Variants in EHF observed in about 807,000 individuals in gnomAD.
EHF encodes ESE3 transcription factor.
EHF carries 14 observed loss-of-function variants against 45.1 expected under a neutral mutation model. The ratio of observed to expected loss-of-function variants is 0.31; its 90% CI spans 0.21 to 0.49. EHF has a LOEUF of 0.49. EHF is among the 20% of genes least tolerant of loss of function. The pLI, the probability that EHF is intolerant of heterozygous loss-of-function variation, is 0.99. For missense variants in EHF, 282 were observed against 371.4 expected, an observed-to-expected ratio of 0.76 and a Z score of 1.98; for synonymous variants, 136 against 131.8, an observed-to-expected ratio of 1.03 and a Z score of -0.22.
At position 34,629,508 on chromosome 11, in the gene EHF, G is replaced by C. The variant is rs140583914; in HGVS notation, c.-4+8280G>C. Among the ~76,000 whole-genome samples the C allele has an allele frequency of 5.3e-5, 8 of 152,306 alleles. No homozygotes were observed. In the East Asian group the frequency reaches 1.5e-3, roughly 29 times the overall value. On this transcript the variant is annotated intron_variant, in intron 1 of 8. Transcript: ENST00000257831. The stretch of plus-strand genomic sequence containing the variant: ...CTTTACTTCTTCTAAAGGAGAGGTC[G>C]TCTAATTTGTGAGAAAATTCAGATG...
intron 1 of EHF, among the ~76,000 whole-genome samples, chr11:34,635,701 C>CTTTTTTT: frequency 8.1e-6 from 1 of 124,176 alleles, no homozygotes; most frequent in Non-Finnish European, 1.6e-5. Flanking sequence ...TCTTCCTGGT[C>CTTTTTTT]TTTTTTTTTT....
chr11:34,654,224 G>C (rs960612423), intron 6 of EHF, among the ~76,000 whole-genome samples: 3 of 152,212 alleles, frequency 2.0e-5, no homozygotes, highest in African/African-American at 7.2e-5. Flanking sequence ...GCCTGGACTG[G>C]ATAGGACCTT....
intron 7 of EHF, among the ~76,000 whole-genome samples, chr11:34,658,002 C>T (rs1168064647): frequency 1.3e-5 from 2 of 152,166 alleles, no homozygotes; most frequent in East Asian, 3.9e-4. Context: ...GTCCTCCAGT[C>T]CCTGCGTGAC....
intron 6 of EHF, among the ~76,000 whole-genome samples, chr11:34,655,726 CAA>C: frequency 6.6e-6 from 1 of 152,330 alleles, no homozygotes; most frequent in South Asian, 2.1e-4. Context: ...AGTAAGTGCT[CAA>C]TAAACAGTAG....
rs1652603092 is a variant in EHF at position 34,660,810 on chromosome 11, T to G, written c.*1879T>G. On this transcript the variant is annotated 3_prime_UTR_variant, in exon 9 of 9. Transcript: ENST00000257831. Reference sequence around the variant, plus strand: ...GCACCTACCACAGTGTCATACCTGGTAGAGGTGAGCAATTCATATTCAAAG... The same window carrying G: ...GCACCTACCACAGTGTCATACCTGGGAGAGGTGAGCAATTCATATTCAAAG... 1 of 152,184 alleles carries G rather than the reference T, an allele frequency of 6.6e-6. No individual in the cohort carries two copies. Among genetic ancestry groups the G allele is most frequent in the Admixed American group, 6.6e-5 (1 of 15,262 alleles). The allele number at this position is 152,184 out of a possible 1,614,324, so 9.4% of individuals were successfully genotyped here. A position where few individuals can be genotyped will look rare whatever the true frequency, so the allele number is the denominator to read the frequency against.
At chr11:34,621,274 A>G (rs1166588899) in intron 1 of EHF, 46 bp downstream of exon 1, 1 of 152,194 alleles carries the variant, frequency 6.6e-6, no homozygotes, top group African/African-American at 2.4e-5. Flanking sequence ...GAATCCAAAC[A>G]CTTGAGTGGA....
Position 34,660,812 on chromosome 11 carries a change from G to T in EHF, c.*1881G>T, listed in dbSNP as rs1554960759. ...ACCTACCACAGTGTCATACCTGGTA[G>T]AGGTGAGCAATTCATATTCAAAGGT... On this transcript the variant is annotated 3_prime_UTR_variant, in exon 9 of 9. Coordinates refer to ENST00000257831, the MANE Select transcript of EHF (RefSeq NM_012153.6). The T allele has an allele frequency of 6.6e-6, 1 of 152,178 alleles. No homozygotes were observed. The highest frequency in any genetic ancestry group is 1.5e-5 in the Non-Finnish European group (1 of 68,018). 9.4% of individuals were successfully genotyped at this position (152,178 alleles called of 1,614,324 possible). A position where few individuals can be genotyped will look rare whatever the true frequency, so the allele number is the denominator to read the frequency against.
At chr11:34,628,283 C>T (rs544852479) in intron 1 of EHF, among the ~76,000 whole-genome samples, 32 of 152,024 alleles carry the variant, frequency 2.1e-4, no homozygotes, top group African/African-American at 6.8e-4. Context: ...ACTTTTGCAC[C>T]AACATAATAT....
chr11:34,658,698 T>C lies in EHF; in HGVS notation c.773T>C (p.Met258Thr). ...LWGKKKNNSS[M>T]TYEKLSRAMR... ...GGTAAAAAGAAGAACAACAGCAGCATGACCTATGAAAAGCTCAGCCGAGCT... is the reference window on the plus strand; with the variant it reads ...GGTAAAAAGAAGAACAACAGCAGCACGACCTATGAAAAGCTCAGCCGAGCT... Residue 258 changes from methionine (M) to threonine (T), a missense_variant, in exon 8 of 9, where the codon ATG (methionine) becomes ACG (threonine). Around this residue, in one of 3 missense-constraint regions of EHF, gnomAD observed 41 missense variants for 87.0 expected, o/e 0.47. Transcript: ENST00000257831. 6.2e-7 allele frequency: 1 copy of C among 1,613,708 alleles called. No individual in the cohort carries two copies. Among genetic ancestry groups the C allele is most frequent in the Non-Finnish European group, 8.5e-7 (1 of 1,179,772 alleles).
intron 1 of EHF, among the ~76,000 whole-genome samples, chr11:34,627,054 T>A (rs1852432904): frequency 6.6e-6 from 1 of 152,086 alleles, no homozygotes; most frequent in Non-Finnish European, 1.5e-5. Flanking sequence ...AATTTGGGTG[T>A]TTTCAGTGAG....
chr11:34,632,417 A>C, intron 1 of EHF: 2 of 1,431,644 alleles, frequency 1.4e-6, no homozygotes, highest in Non-Finnish European at 1.8e-6. Flanking sequence ...ACCCTCCTAC[A>C]CATAAACACA....
At chr11:34,621,536 T>C (rs763223908) in intron 1 of EHF, among the ~76,000 whole-genome samples, 1 of 152,242 alleles carries the variant, frequency 6.6e-6, no homozygotes. Context: ...CTGGGTTGAA[T>C]TCTTCTGGAA....
At chr11:34,627,702 T>G (rs1401276879) in intron 1 of EHF, among the ~76,000 whole-genome samples, 1 of 152,198 alleles carries the variant, frequency 6.6e-6, no homozygotes, top group Non-Finnish European at 1.5e-5. Flanking sequence ...GATCCCTAAC[T>G]TGGGGTCCAA....
intron 1 of EHF, among the ~76,000 whole-genome samples, chr11:34,632,223 A>G (rs1852959316): frequency 6.6e-6 from 1 of 152,222 alleles, no homozygotes; most frequent in African/African-American, 2.4e-5. Context: ...CTACAAATCA[A>G]TGCTTAACTG....
intron 4 of EHF, among the ~76,000 whole-genome samples, chr11:34,650,339 A>C (rs909786370): frequency 1.2e-4 from 18 of 152,184 alleles, no homozygotes; most frequent in African/African-American, 3.9e-4. Flanking sequence ...TCTTTGGTTC[A>C]GTTTGTTTTC....
intron 2 of EHF, among the ~76,000 whole-genome samples, chr11:34,646,062 G>GTA (rs1565037340): frequency 2.8e-5 from 4 of 142,876 alleles, no homozygotes; most frequent in Non-Finnish European, 6.1e-5. Context: ...GTGTGTGTGT[G>GTA]TGTGTATGTA....
At chr11:34,624,055 C>T (rs987429186) in intron 1 of EHF, among the ~76,000 whole-genome samples, 2 of 152,228 alleles carry the variant, frequency 1.3e-5, no homozygotes, top group African/African-American at 2.4e-5. Context: ...TGCTAACACA[C>T]TTGAGAAGCA....
At chr11:34,632,494 G>A (rs1007280436) in intron 1 of EHF, 1 of 1,532,032 alleles carries the variant, frequency 6.5e-7, no homozygotes, top group African/African-American at 1.4e-5. Flanking sequence ...CCTGAGTGGA[G>A]ATTGGTTTTG....
intron 1 of EHF, among the ~76,000 whole-genome samples, chr11:34,640,031 T>A (rs1269069149): frequency 2.0e-5 from 3 of 152,032 alleles, no homozygotes; most frequent in Non-Finnish European, 4.4e-5. Context: ...TCTTTTTTTT[T>A]TTTTCACTAC....
Sources: gnomAD v4.1 joint callset for allele counts (sites outside exome capture counted in the v4.1 genomes callset) on GRCh38, gnomAD v4.1.1 for gene constraint, gnomAD v4.1.1 regional missense constraint, MANE v1.5 for transcripts, NCBI Gene and HGNC (gene_info 2026-07-23, HGNC 2026-07-21) for gene names.